LARP1: variants seen among roughly 807,000 people sequenced by gnomAD.
LARP1 encodes the protein la-related protein 1.
Under a neutral mutation model 122.7 loss-of-function variants are expected in LARP1, and 36 were observed. The observed-to-expected ratio is 0.29, with a 90% CI of 0.22 to 0.39. The LOEUF (loss-of-function observed/expected upper bound fraction) is 0.39. Ranked by LOEUF, LARP1 falls within the 10% of genes least tolerant of loss-of-function variation. The pLI, the probability that LARP1 is intolerant of heterozygous loss-of-function variation, is 1.00. For synonymous variants in LARP1, 539 were observed against 528.7 expected, an observed-to-expected ratio of 1.02 and a Z score of -0.27; for missense variants, 1,040 against 1,403.6, an observed-to-expected ratio of 0.74 and a Z score of 4.14.
rs1175996575 is a variant in LARP1, at chr5:154,799,705, C to A, written c.1492C>A (p.Gln498Lys). The change falls in exon 9 of 19, where the codon CAG (glutamine) becomes AAG (lysine). Residue 498 changes from glutamine (Q) to lysine (K), a missense_variant. By Grantham distance (53) the Gln-to-Lys change is moderately conservative (BLOSUM62 1). Around this residue, in one of 8 missense-constraint regions of LARP1, gnomAD observed 362 missense variants for 533.1 expected, o/e 0.68. Coordinates refer to ENST00000518297, the MANE Select transcript of LARP1 (RefSeq NM_033551.3). ...GGATTATTCACAGACTGATTTCTCCCAGCTTCTCAACTGCCCTGAATTTGT... is the reference window on the plus strand; with the variant it reads ...GGATTATTCACAGACTGATTTCTCCAAGCTTCTCAACTGCCCTGAATTTGT... Reference protein sequence around the residue: ...IVDYSQTDFSQLLNCPEFVPR... With the variant: ...IVDYSQTDFSKLLNCPEFVPR... The A allele has an allele frequency of 1.9e-6, 3 of 1,614,080 alleles. No homozygotes were observed. The highest frequency in any genetic ancestry group is 2.5e-6 in the Non-Finnish European group (3 of 1,180,052).
intron 15 of LARP1, 129 bp downstream of exon 15, chr5:154,806,161 A>G: frequency 9.9e-7 from 1 of 1,007,712 alleles, no homozygotes; most frequent in Non-Finnish European, 1.4e-6. Flanking sequence ...ACATGACATT[A>G]TAGCAAGAAA....
At chr5:154,796,013 TTATA>T (rs1478883628) in intron 8 of LARP1, among the ~76,000 whole-genome samples, 4 of 101,142 alleles carry the variant, frequency 4.0e-5, no homozygotes, top group East Asian at 2.3e-4. Context: ...TATTATATAT[TTATA>T]TATTATATAT....
At chr5:154,738,142 G>A (rs995487328) in intron 1 of LARP1, among the ~76,000 whole-genome samples, 4 of 152,192 alleles carry the variant, frequency 2.6e-5, no homozygotes, top group African/African-American at 9.7e-5. Context: ...GGTAAACCAT[G>A]CGTGTGTGGG....
At chr5:154,764,385 C>G (rs1055977052) in intron 1 of LARP1, among the ~76,000 whole-genome samples, 2 of 148,856 alleles carry the variant, frequency 1.3e-5, no homozygotes, top group South Asian at 2.2e-4. Context: ...GGGAGGATCA[C>G]TTGAGCGCAG....
At position 154,815,051 on chromosome 5, in the gene LARP1, G is replaced by C. The variant is rs1000145322; in HGVS notation, c.*955G>C. 1 of 152,518 alleles carries C rather than the reference G, an allele frequency of 6.6e-6. No individual in the cohort carries two copies. The highest frequency in any genetic ancestry group is 2.4e-5 in the African/African-American group (1 of 41,412). The allele number at this position is 152,518 out of a possible 1,614,324, so 9.4% of individuals were successfully genotyped here. On this transcript the variant is annotated 3_prime_UTR_variant, in exon 19 of 19. Coordinates refer to ENST00000518297, the MANE Select transcript of LARP1 (RefSeq NM_033551.3). Reference sequence around the variant, plus strand: ...GGGAATCTGAAATACCCAAATGCCTGTTTTCCTCGGTGGAGTCAACCCGAA... The same window carrying C: ...GGGAATCTGAAATACCCAAATGCCTCTTTTCCTCGGTGGAGTCAACCCGAA...
At chr5:154,719,089 C>T (rs1755695466) in intron 1 of LARP1, among the ~76,000 whole-genome samples, 1 of 152,168 alleles carries the variant, frequency 6.6e-6, no homozygotes, top group Non-Finnish European at 1.5e-5. Flanking sequence ...AGATTAGGAC[C>T]TAGGAGTCCT....
chr5:154,771,278 T>A (rs1481472016), intron 1 of LARP1, among the ~76,000 whole-genome samples: 3 of 151,938 alleles, frequency 2.0e-5, no homozygotes, highest in Non-Finnish European at 4.4e-5. Flanking sequence ...CAGGCCGGAG[T>A]TCCTGGAGAC....
intron 1 of LARP1, among the ~76,000 whole-genome samples, chr5:154,740,684 C>T (rs1643705505): frequency 6.6e-6 from 1 of 152,160 alleles, no homozygotes; most frequent in South Asian, 2.1e-4. Context: ...TTGTGTTACA[C>T]CATACTGCTG....
At chr5:154,714,850 G>C (rs918888692) in intron 1 of LARP1, among the ~76,000 whole-genome samples, 5 of 152,212 alleles carry the variant, frequency 3.3e-5, no homozygotes, top group Non-Finnish European at 7.3e-5. Flanking sequence ...CGTTGTGTGC[G>C]TATACGCATG....
intron 1 of LARP1, among the ~76,000 whole-genome samples, chr5:154,716,823 G>A (rs1246217541): frequency 3.3e-5 from 5 of 152,158 alleles, no homozygotes; most frequent in South Asian, 2.1e-4. Context: ...ACTTTGCGGG[G>A]CTAAGGCAGG....
intron 1 of LARP1, among the ~76,000 whole-genome samples, chr5:154,699,931 C>T (rs1002268795): frequency 4.6e-5 from 7 of 152,158 alleles, no homozygotes; most frequent in African/African-American, 7.2e-5. Flanking sequence ...TTTCCCAAGG[C>T]GATGGCAGAA....
intron 1 of LARP1, 46 bp downstream of exon 1, chr5:154,756,239 G>C: frequency 8.5e-7 from 1 of 1,180,770 alleles, no homozygotes; most frequent in Non-Finnish European, 1.1e-6. Flanking sequence ...CCTCTTCCGG[G>C]GACATGGGAG....
intron 18 of LARP1, among the ~76,000 whole-genome samples, chr5:154,812,194 C>T (rs1759328056): frequency 6.6e-6 from 1 of 152,006 alleles, no homozygotes; most frequent in Non-Finnish European, 1.5e-5. Context: ...TCAGTTTTTC[C>T]TTCTGAGAGT....
intron 1 of LARP1, chr5:154,705,813 A>C (rs1036802801): frequency 6.6e-6 from 1 of 152,244 alleles, no homozygotes; most frequent in African/African-American, 2.4e-5. Context: ...ATGTAAATTA[A>C]TTCAGTCGCT....
In LARP1 at chr5:154,811,517, A is replaced by C; in HGVS notation, c.2958A>C (p.Gln986His). The change falls in exon 18 of 19, where the codon CAA becomes CAC. Residue 986 changes from glutamine to histidine, a missense_variant. By Grantham distance (24) the Gln-to-His change is conservative. This residue lies in a region of LARP1 where 129 missense variants were observed against 160.8 expected (regional missense o/e 0.80). Transcript: ENST00000518297. ...TTTCTGTACCTCTCCCTACAGGCCAACTGTATGGGCTGGAGAAGTTCTGGG... is the reference window on the plus strand; with the variant it reads ...TTTCTGTACCTCTCCCTACAGGCCACCTGTATGGGCTGGAGAAGTTCTGGG... The part of the protein sequence containing the change: ...EETVKDYEAG[Q>H]LYGLEKFWAF... The C allele has an allele frequency of 6.2e-7, 1 of 1,614,208 alleles. No homozygotes were observed. Among genetic ancestry groups the C allele is most frequent in the Non-Finnish European group, 8.5e-7 (1 of 1,180,028 alleles).
upstream of LARP1, among the ~76,000 whole-genome samples, chr5:154,752,792 AGCTGG>A (rs1450994205): frequency 6.6e-6 from 1 of 151,918 alleles, no homozygotes; most frequent in African/African-American, 2.4e-5. Flanking sequence ...TACAAAAATT[AGCTGG>A]GCATGGTGGC....
At chr5:154,701,151 T>G (rs1051404557) in intron 1 of LARP1, among the ~76,000 whole-genome samples, 3 of 152,104 alleles carry the variant, frequency 2.0e-5, no homozygotes, top group Non-Finnish European at 4.4e-5. Context: ...TTGTTTGTTT[T>G]TTGTCTTAAT....
chr5:154,710,085 T>A (rs1252104686), upstream of LARP1, among the ~76,000 whole-genome samples: 1 of 152,030 alleles, frequency 6.6e-6, no homozygotes, highest in African/African-American at 2.4e-5. Flanking sequence ...CAGGGGGTAA[T>A]GCAAGTGATG....
chr5:154,761,440 C>G (rs187916778), intron 1 of LARP1, among the ~76,000 whole-genome samples: 1 of 152,144 alleles, frequency 6.6e-6, no homozygotes, highest in Non-Finnish European at 1.5e-5. Context: ...CACCCATTCT[C>G]TTTTCTGGGA....
Sources: gnomAD v4.1 joint callset for allele counts (sites outside exome capture counted in the v4.1 genomes callset) on GRCh38, gnomAD v4.1.1 for gene constraint, gnomAD v4.1.1 regional missense constraint, MANE v1.5 for transcripts, NCBI Gene and HGNC (gene_info 2026-07-23, HGNC 2026-07-21) for gene names.